DOCK1: variants seen among roughly 807,000 people sequenced by gnomAD.
DOCK1 encodes the protein dedicator of cytokinesis 1, also known as dedicator of cytokinesis protein 1.
DOCK1 carries 138 observed loss-of-function variants against 262.7 expected under a neutral mutation model. The ratio of observed to expected loss-of-function variants is 0.53; its 90% CI spans 0.46 to 0.61. The LOEUF (loss-of-function observed/expected upper bound fraction) is 0.61. Ranked by LOEUF, DOCK1 falls within the 20% of genes least tolerant of loss-of-function variation. DOCK1 has a pLI of 0.00. For synonymous variants in DOCK1, 866 were observed against 867.4 expected, an observed-to-expected ratio of 1.00 and a Z score of 0.03; for missense variants, 1,908 against 2,370.7, an observed-to-expected ratio of 0.80 and a Z score of 4.05.
intron 27 of DOCK1, among the ~76,000 whole-genome samples, chr10:127,168,962 C>T (rs1308022494): frequency 1.3e-5 from 2 of 152,110 alleles, no homozygotes; most frequent in African/African-American, 2.4e-5. Context: ...ATTTCTTATC[C>T]CCTGACAGGT....
At chr10:126,921,337 C>T (rs1005424096) in intron 1 of DOCK1, among the ~76,000 whole-genome samples, 2 of 152,020 alleles carry the variant, frequency 1.3e-5, no homozygotes, top group African/African-American at 4.8e-5. Context: ...ATGGTATGTC[C>T]CTATAATGGA....
intron 4 of DOCK1, among the ~76,000 whole-genome samples, chr10:126,986,634 G>A (rs2039411498): frequency 6.6e-6 from 1 of 152,232 alleles, no homozygotes; most frequent in African/African-American, 2.4e-5. Context: ...AAGGGGCTGG[G>A]CGCGGTGGCT....
intron 16 of DOCK1, among the ~76,000 whole-genome samples, chr10:127,030,382 G>C (rs558598131): frequency 6.6e-6 from 1 of 152,278 alleles, no homozygotes; most frequent in South Asian, 2.1e-4. Context: ...GGCCCTCGCT[G>C]TCTGTCACCA....
At chr10:127,125,448 G>A (rs1470776931) in intron 25 of DOCK1, 26 bp from the exon 26 acceptor site, 1 of 1,610,958 alleles carries the variant, frequency 6.2e-7, no homozygotes, top group East Asian at 2.2e-5. Flanking sequence ...GTTTCACACT[G>A]ACTGGCAATG....
chr10:127,280,418 T>C (rs2060917926), intron 29 of DOCK1, among the ~76,000 whole-genome samples: 1 of 152,156 alleles, frequency 6.6e-6, no homozygotes, highest in Admixed American at 6.5e-5. Flanking sequence ...TAAGGTTTTT[T>C]TTATTTTGAC....
chr10:127,352,605 T>A (rs1354148281), intron 31 of DOCK1, among the ~76,000 whole-genome samples: 1 of 152,114 alleles, frequency 6.6e-6, no homozygotes, highest in Non-Finnish European at 1.5e-5. Flanking sequence ...CCAGTTTTTT[T>A]TTCTTGATAC....
Position 127,433,744 on chromosome 10 carries a change from G to A in DOCK1, c.5060+316G>A, listed in dbSNP as rs534933857. ...ACAAGCTTGTCCACCCGCGGCCCAC[G>A]GGCCACATGCAGCCCAGGATGGCTT... On this transcript the variant is annotated intron_variant, in intron 48 of 51. Transcript: ENST00000623213. 3.9e-5 allele frequency among the ~76,000 whole-genome samples: 6 copies of A among 152,092 alleles called. No individual in the cohort carries two copies. The East Asian group carries it at 9.7e-4, about 25-fold the overall frequency.
At chr10:127,274,611 A>T (rs745559003) in intron 29 of DOCK1, among the ~76,000 whole-genome samples, 2 of 152,194 alleles carry the variant, frequency 1.3e-5, no homozygotes, top group Non-Finnish European at 2.9e-5. Context: ...TACAAACTAG[A>T]TGTAAGAAGT....
chr10:126,969,288 C>T (rs1396004367), intron 1 of DOCK1, among the ~76,000 whole-genome samples: 1 of 152,202 alleles, frequency 6.6e-6, no homozygotes, highest in Non-Finnish European at 1.5e-5. Flanking sequence ...AGGGGTGCTG[C>T]CCTACCCACT....
At chr10:127,144,997 T>C (rs2051661488) in intron 27 of DOCK1, among the ~76,000 whole-genome samples, 1 of 152,224 alleles carries the variant, frequency 6.6e-6, no homozygotes, top group Non-Finnish European at 1.5e-5. Context: ...TATTTTACTA[T>C]GAAGGATCCA....
At chr10:126,912,915 C>T (rs894192806) in intron 1 of DOCK1, among the ~76,000 whole-genome samples, 2 of 152,174 alleles carry the variant, frequency 1.3e-5, no homozygotes, top group South Asian at 4.2e-4. Flanking sequence ...CACAGTGTAG[C>T]CCATAACAGT....
chr10:127,106,601 G>T (rs1001586459), intron 24 of DOCK1, among the ~76,000 whole-genome samples: 2 of 152,102 alleles, frequency 1.3e-5, no homozygotes, highest in African/African-American at 4.8e-5. Context: ...TCAGTATGTG[G>T]TTGTTGGTTT....
chr10:127,309,618 A>G (rs562462239), intron 29 of DOCK1, among the ~76,000 whole-genome samples: 5 of 152,204 alleles, frequency 3.3e-5, no homozygotes, highest in Admixed American at 1.3e-4. Flanking sequence ...ATTTTTGTAT[A>G]AGGTGTAAGG....
chr10:127,079,466 C>T (rs2046770712), intron 23 of DOCK1, among the ~76,000 whole-genome samples: 1 of 152,172 alleles, frequency 6.6e-6, no homozygotes, highest in Admixed American at 6.5e-5. Context: ...CTGAAAAGGG[C>T]AAAGTGCTCA....
At chr10:126,969,959 A>C (rs2037974299) in intron 1 of DOCK1, among the ~76,000 whole-genome samples, 1 of 152,294 alleles carries the variant, frequency 6.6e-6, no homozygotes, top group African/African-American at 2.4e-5. Flanking sequence ...ATATCCTATT[A>C]GGTAGAGGCT....
At chr10:126,924,767 C>T (rs2033548545) in intron 1 of DOCK1, among the ~76,000 whole-genome samples, 1 of 152,178 alleles carries the variant, frequency 6.6e-6, no homozygotes, top group Non-Finnish European at 1.5e-5. Flanking sequence ...CCTCTTTGAT[C>T]TCTGTGATTT....
chr10:127,161,381 C>G (rs2053581447), intron 27 of DOCK1, among the ~76,000 whole-genome samples: 1 of 152,124 alleles, frequency 6.6e-6, no homozygotes, highest in Non-Finnish European at 1.5e-5. Context: ...TGTCTGTTCC[C>G]TTTTTCCCAG....
At chr10:127,140,426 C>T (rs1409360984) in intron 27 of DOCK1, among the ~76,000 whole-genome samples, 2 of 152,198 alleles carry the variant, frequency 1.3e-5, no homozygotes, top group African/African-American at 4.8e-5. Flanking sequence ...CGCCTGCCAG[C>T]AAGTTGACCC....
At chr10:127,259,156 A>G (rs2059927327) in intron 29 of DOCK1, among the ~76,000 whole-genome samples, 2 of 152,152 alleles carry the variant, frequency 1.3e-5, no homozygotes, top group South Asian at 4.2e-4. Context: ...AGACCCTGGC[A>G]TTGCTGTAGC....
Sources: gnomAD v4.1 joint callset for allele counts (sites outside exome capture counted in the v4.1 genomes callset) on GRCh38, gnomAD v4.1.1 for gene constraint, MANE v1.5 for transcripts, NCBI Gene and HGNC (gene_info 2026-07-23, HGNC 2026-07-21) for gene names.